The following ADAMTS12 variants were observed in gnomAD, a reference collection of about 807,000 sequenced individuals.
ADAMTS12 encodes A disintegrin and metalloproteinase with thrombospondin motifs 12.
A neutral mutation model predicts 167.8 loss-of-function variants in ADAMTS12; 118 were observed. The observed-to-expected ratio is 0.70, with a 90% CI of 0.61 to 0.82. The LOEUF is 0.82. ADAMTS12 is among the 40% of genes least tolerant of loss of function. ADAMTS12 has a pLI of 0.00. For missense variants in ADAMTS12, 1,916 were observed against 1,998.8 expected, an observed-to-expected ratio of 0.96 and a Z score of 0.79; for synonymous variants, 704 against 716.9, an observed-to-expected ratio of 0.98 and a Z score of 0.29.
chr5:33,889,118 A>T (rs928761726), intron 1 of ADAMTS12, among the ~76,000 whole-genome samples: 4 of 152,106 alleles, frequency 2.6e-5, no homozygotes, highest in Admixed American at 1.3e-4. Flanking sequence ...TATGTTGACT[A>T]ACTGATGCCC....
intron 19 of ADAMTS12, among the ~76,000 whole-genome samples, chr5:33,568,959 G>A (rs1237126478): frequency 1.3e-5 from 2 of 152,272 alleles, no homozygotes; most frequent in African/African-American, 2.4e-5. Context: ...ACCTGCCTTG[G>A]AGGGTCCTAC....
chr5:33,637,176 C>CT lies in ADAMTS12; in HGVS notation c.1888+400dup, dbSNP rs111377148. On this transcript the variant is annotated intron_variant, in intron 12 of 23. Coordinates refer to ENST00000504830, the MANE Select transcript of ADAMTS12 (RefSeq NM_030955.4). ...AATCATCAACTGCTTCACTGGAAGC[C>CT]TTTTTTTTGCAATTACTTCAAACCC... is the stretch of plus-strand genomic sequence containing the variant. Among the ~76,000 whole-genome samples the CT allele has an allele frequency of 4.6e-3, 698 of 151,872 alleles. 7 individuals are homozygous for CT. The highest frequency in any genetic ancestry group is 0.016 in the African/African-American group (652 of 41,404).
At chr5:33,624,607 G>A (rs1739493270) in intron 13 of ADAMTS12, among the ~76,000 whole-genome samples, 1 of 152,194 alleles carries the variant, frequency 6.6e-6, no homozygotes, top group African/African-American at 2.4e-5. Flanking sequence ...AGGCAGAACT[G>A]AACAAAATCT....
At chr5:33,794,284 G>A (rs1447946116) in intron 2 of ADAMTS12, among the ~76,000 whole-genome samples, 2 of 152,146 alleles carry the variant, frequency 1.3e-5, no homozygotes, top group African/African-American at 4.8e-5. Context: ...TGTCTCTTCC[G>A]GTCCTGCAGG....
At chr5:33,592,658 T>A (rs776140596) in intron 17 of ADAMTS12, among the ~76,000 whole-genome samples, 1 of 152,178 alleles carries the variant, frequency 6.6e-6, no homozygotes, top group East Asian at 1.9e-4. Flanking sequence ...TATTTTTTTA[T>A]GTTTAGATAA....
chr5:33,776,189 C>T (rs1372725791), intron 2 of ADAMTS12, among the ~76,000 whole-genome samples: 1 of 152,126 alleles, frequency 6.6e-6, no homozygotes, highest in Non-Finnish European at 1.5e-5. Context: ...AATAAGGTAA[C>T]ATTGAAATTG....
chr5:33,710,352 G>A (rs901379824), intron 3 of ADAMTS12, among the ~76,000 whole-genome samples: 3 of 152,148 alleles, frequency 2.0e-5, no homozygotes, highest in African/African-American at 7.2e-5. Flanking sequence ...AAATGATCCT[G>A]AATGCAGTTT....
chr5:33,716,583 C>T (rs1743623805), intron 3 of ADAMTS12, among the ~76,000 whole-genome samples: 1 of 152,096 alleles, frequency 6.6e-6, no homozygotes, highest in Non-Finnish European at 1.5e-5. Flanking sequence ...TGTCATCCTG[C>T]TGTTTCTCTC....
intron 20 of ADAMTS12, among the ~76,000 whole-genome samples, chr5:33,553,223 TG>T (rs2111850110): frequency 6.6e-6 from 1 of 152,260 alleles, no homozygotes; most frequent in African/African-American, 2.4e-5. Context: ...TAACAGATGC[TG>T]ATGAGGTTGT....
intron 2 of ADAMTS12, among the ~76,000 whole-genome samples, chr5:33,815,067 A>T: frequency 6.6e-6 from 1 of 152,150 alleles, no homozygotes; most frequent in East Asian, 1.9e-4. Context: ...ATTGTTGTTA[A>T]ATATGGAAGA....
At chr5:33,796,581 G>C (rs1746787343) in intron 2 of ADAMTS12, among the ~76,000 whole-genome samples, 1 of 152,162 alleles carries the variant, frequency 6.6e-6, no homozygotes, top group Non-Finnish European at 1.5e-5. Flanking sequence ...CCTTGTGGTT[G>C]GATGGGGCCT....
intron 1 of ADAMTS12, among the ~76,000 whole-genome samples, chr5:33,888,533 AT>A (rs1333879265): frequency 6.6e-6 from 1 of 152,192 alleles, no homozygotes; most frequent in African/African-American, 2.4e-5. Context: ...TCCTTGCAGA[AT>A]TTTTTTAATA....
intron 22 of ADAMTS12, among the ~76,000 whole-genome samples, chr5:33,540,207 A>G (rs1744621555): frequency 6.6e-6 from 1 of 152,246 alleles, no homozygotes; most frequent in South Asian, 2.1e-4. Context: ...GCTCATTGCT[A>G]GCGCAGCAGT....
At chr5:33,566,690 C>G (rs948945249) in intron 19 of ADAMTS12, among the ~76,000 whole-genome samples, 1 of 152,182 alleles carries the variant, frequency 6.6e-6, no homozygotes, top group Non-Finnish European at 1.5e-5. Flanking sequence ...AGGCTACCTA[C>G]AGTCAGTGGC....
chr5:33,845,273 G>A (rs79762132), intron 2 of ADAMTS12, among the ~76,000 whole-genome samples: 6,867 of 152,222 alleles, frequency 0.045, 270 homozygotes, highest in East Asian at 0.17. Flanking sequence ...TCAGAGGAGG[G>A]AGAAAAAGGT....
intron 2 of ADAMTS12, among the ~76,000 whole-genome samples, chr5:33,824,436 C>A (rs1373921760): frequency 6.6e-6 from 1 of 152,126 alleles, no homozygotes; most frequent in Non-Finnish European, 1.5e-5. Flanking sequence ...GAGGACATTG[C>A]CCCCAGGTTT....
chr5:33,741,143 G>T (rs1424080865), intron 3 of ADAMTS12, among the ~76,000 whole-genome samples: 1 of 152,186 alleles, frequency 6.6e-6, no homozygotes, highest in East Asian at 1.9e-4. Context: ...TCCTGGGTTG[G>T]CAGAAGGAAA....
chr5:33,650,426 G>T (rs1740830390), intron 7 of ADAMTS12, among the ~76,000 whole-genome samples: 1 of 152,182 alleles, frequency 6.6e-6, no homozygotes, highest in South Asian at 2.1e-4. Context: ...ACCAAGGATA[G>T]AATTTTTTTA....
chr5:33,678,966 G>A (rs972367042), intron 5 of ADAMTS12, among the ~76,000 whole-genome samples: 1 of 152,202 alleles, frequency 6.6e-6, no homozygotes, highest in Admixed American at 6.5e-5. Context: ...CTTGACATGG[G>A]AGGGAGAGAA....
Sources: gnomAD v4.1 joint callset for allele counts (sites outside exome capture counted in the v4.1 genomes callset) on GRCh38, gnomAD v4.1.1 for gene constraint, MANE v1.5 for transcripts, NCBI Gene and HGNC (gene_info 2026-07-23, HGNC 2026-07-21) for gene names.